TSPAN5: variants seen among roughly 807,000 people sequenced by gnomAD.
TSPAN5 encodes tetraspanin 5, also known as tetraspanin-5.
In TSPAN5, 10 loss-of-function variants were observed where a neutral mutation model predicts 37.1. That is an observed-to-expected ratio of 0.27 (90% CI 0.17 to 0.46). The LOEUF (loss-of-function observed/expected upper bound fraction) is 0.46, where lower values mean the gene tolerates loss of function less well. TSPAN5 is among the 20% of genes least tolerant of loss of function. The pLI is 1.00. For synonymous variants in TSPAN5, 110 were observed against 118.9 expected (o/e 0.93, Z 0.48); for missense variants, 195 against 326.6 (o/e 0.60, Z 3.11).
intron 1 of TSPAN5, among the ~76,000 whole-genome samples, chr4:98,533,415 G>T (rs189062210): frequency 4.0e-5 from 6 of 151,776 alleles, no homozygotes; most frequent in African/African-American, 7.3e-5. Context: ...TTAGACTTGT[G>T]GGGGGTGTTA....
At chr4:98,639,524 G>C (rs894018381) in intron 1 of TSPAN5, among the ~76,000 whole-genome samples, 1 of 84,326 alleles carries the variant, frequency 1.2e-5, no homozygotes, top group East Asian at 2.7e-4. Context: ...TCTCATTTTT[G>C]TTGCCCAGCC....
At chr4:98,615,979 A>G (rs17027860) in intron 1 of TSPAN5, among the ~76,000 whole-genome samples, 3,391 of 152,226 alleles carry the variant, frequency 0.022, 131 homozygotes, top group African/African-American at 0.077. Context: ...GGAAACAACG[A>G]AGATGCTAAG....
chr4:98,560,991 G>A (rs1046192235), intron 1 of TSPAN5, among the ~76,000 whole-genome samples: 17 of 152,166 alleles, frequency 1.1e-4, no homozygotes, highest in Admixed American at 7.9e-4. Context: ...GTATGTGGCC[G>A]AGTTTGGTAG....
intron 1 of TSPAN5, among the ~76,000 whole-genome samples, chr4:98,591,048 G>A (rs74965141): frequency 4.6e-5 from 7 of 151,058 alleles, no homozygotes; most frequent in Admixed American, 4.6e-4. Context: ...ACTTTGCCCT[G>A]CCATGCTTTT....
intron 2 of TSPAN5, among the ~76,000 whole-genome samples, chr4:98,501,493 C>T (rs1578950556): frequency 1.3e-5 from 2 of 152,164 alleles, no homozygotes; most frequent in South Asian, 4.1e-4. Flanking sequence ...AACTTGTTAG[C>T]GTCTAAGTGA....
chr4:98,480,656 C>A (rs1259746008), intron 4 of TSPAN5, among the ~76,000 whole-genome samples: 3 of 152,158 alleles, frequency 2.0e-5, no homozygotes, highest in Non-Finnish European at 4.4e-5. Context: ...CACAGCATCC[C>A]AAGACAACAT....
At position 98,612,861 on chromosome 4, in the gene TSPAN5, C is replaced by T. The variant is rs77866838; in HGVS notation, c.81+45285G>A. Among the ~76,000 whole-genome samples the T allele has an allele frequency of 5.4e-3, 816 of 152,370 alleles. 4 individuals carry two copies. Among genetic ancestry groups the T allele is most frequent in the African/African-American group, 0.017 (727 of 41,596 alleles). ...GCTAACCTCTCCATCCCTGAGTTTT[C>T]AGCTGCGGTCTCACTTCCTCAGAGC... On this transcript the variant is annotated intron_variant, in intron 1 of 7. Coordinates refer to ENST00000305798, the MANE Select transcript of TSPAN5 (RefSeq NM_005723.4).
chr4:98,625,510 G>T (rs1756580052), intron 1 of TSPAN5, among the ~76,000 whole-genome samples: 1 of 152,150 alleles, frequency 6.6e-6, no homozygotes, highest in Admixed American at 6.5e-5. Context: ...TCACCAAAGA[G>T]AAAAAACAAA....
intron 1 of TSPAN5, among the ~76,000 whole-genome samples, chr4:98,642,564 G>C (rs2110279487): frequency 6.6e-6 from 1 of 152,212 alleles, no homozygotes; most frequent in East Asian, 1.9e-4. Context: ...AAAATATTTA[G>C]AGGTGATACG....
intron 1 of TSPAN5, among the ~76,000 whole-genome samples, chr4:98,651,126 A>G (rs1007214256): frequency 1.3e-5 from 2 of 152,232 alleles, no homozygotes. Context: ...TCAAGTGACC[A>G]TCATCAGTAA....
intron 1 of TSPAN5, among the ~76,000 whole-genome samples, chr4:98,610,310 C>T (rs1377683821): frequency 1.3e-5 from 2 of 152,172 alleles, no homozygotes; most frequent in Non-Finnish European, 2.9e-5. Context: ...GCCCTGATGA[C>T]CTAAACACCT....
intron 1 of TSPAN5, among the ~76,000 whole-genome samples, chr4:98,559,532 T>A (rs188963975): frequency 1.5e-4 from 23 of 152,348 alleles, no homozygotes; most frequent in Admixed American, 1.5e-3. Flanking sequence ...CTCTATTTTC[T>A]TGAACACTAT....
intron 1 of TSPAN5, among the ~76,000 whole-genome samples, chr4:98,509,010 A>T (rs1343664751): frequency 6.6e-6 from 1 of 152,184 alleles, no homozygotes; most frequent in Non-Finnish European, 1.5e-5. Flanking sequence ...AGACTTGATG[A>T]CACATTGTAC....
chr4:98,614,253 T>A (rs1364977801), intron 1 of TSPAN5, among the ~76,000 whole-genome samples: 5 of 152,188 alleles, frequency 3.3e-5, no homozygotes, highest in African/African-American at 1.2e-4. Context: ...AATCAAGAAT[T>A]CTGCCTGGGG....
At chr4:98,637,731 G>GTTTCAGAACAAATGTTCTGAACAAATGTA (rs1756886454) in intron 1 of TSPAN5, among the ~76,000 whole-genome samples, 1 of 152,128 alleles carries the variant, frequency 6.6e-6, no homozygotes, top group African/African-American at 2.4e-5. Context: ...CTGAACAAAT[G>GTTTCAGAACAAATGTTCTGAACAAATGTA]TCCCCACTTG....
chr4:98,658,093 G>T (rs1757328941), intron 1 of TSPAN5, 53 bp downstream of exon 1: 1 of 1,502,062 alleles, frequency 6.7e-7, no homozygotes, highest in Non-Finnish European at 9.3e-7. Flanking sequence ...GGGGGAAATC[G>T]TCGCGAATCG....
chr4:98,587,026 A>G (rs1385120713), intron 1 of TSPAN5, among the ~76,000 whole-genome samples: 2 of 152,226 alleles, frequency 1.3e-5, no homozygotes, highest in East Asian at 3.9e-4. Flanking sequence ...AGGGTGGGGC[A>G]AAAGCCAAGG....
At chr4:98,548,886 G>GGGGTGTGTGTGTGTGT (rs373285784) in intron 1 of TSPAN5, among the ~76,000 whole-genome samples, 9 of 57,464 alleles carry the variant, frequency 1.6e-4, no homozygotes, top group East Asian at 4.8e-4. Context: ...AGTATTCCAA[G>GGGGTGTGTGTGTGTGT]GTGTGTGTGT....
chr4:98,592,428 G>GTTTTTTT (rs35941064), intron 1 of TSPAN5, among the ~76,000 whole-genome samples: 83 of 118,868 alleles, frequency 7.0e-4, no homozygotes, highest in Non-Finnish European at 1.1e-3. Context: ...TCTGTTTTTT[G>GTTTTTTT]TTTTTTTTTT....
Sources: gnomAD v4.1 joint callset for allele counts (sites outside exome capture counted in the v4.1 genomes callset) on GRCh38, gnomAD v4.1.1 for gene constraint, MANE v1.5 for transcripts, NCBI Gene and HGNC (gene_info 2026-07-23, HGNC 2026-07-21) for gene names.